The following SELENOT variants were observed in gnomAD, a reference collection of about 807,000 sequenced individuals.
The protein encoded by SELENOT is thioredoxin reductase-like selenoprotein T.
In SELENOT, 9 loss-of-function variants were observed where a neutral mutation model predicts 24.3. The observed-to-expected ratio is 0.37, with a 90% CI of 0.22 to 0.65. SELENOT has a LOEUF of 0.65. Ranked by LOEUF, SELENOT falls within the 30% of genes least tolerant of loss-of-function variation. The pLI, the probability that SELENOT is intolerant of heterozygous loss-of-function variation, is 0.60. For missense variants in SELENOT, 166 were observed against 247.6 expected (o/e 0.67, Z 2.21); for synonymous variants, 81 against 86.0 (o/e 0.94, Z 0.32).
In SELENOT at chr3:150,615,588, T is replaced by C. The variant is rs574855003; in HGVS notation, c.138-6797T>C. On this transcript the variant is annotated intron_variant, in intron 1 of 5. Coordinates refer to ENST00000471696, the MANE Select transcript of SELENOT (RefSeq NM_016275.5). ...ACAGAGAGCCAAATCATGAGTGAACTCCCATTCACAATTGCTTCAAAGAGA... is the reference window on the plus strand; with the variant it reads ...ACAGAGAGCCAAATCATGAGTGAACCCCCATTCACAATTGCTTCAAAGAGA... 3.9e-3 allele frequency among the ~76,000 whole-genome samples: 597 copies of C among 152,214 alleles called. 3 individuals are homozygous for C. Among genetic ancestry groups the C allele is most frequent in the Non-Finnish European group, 7.2e-3 (490 of 67,998 alleles).
Position 150,603,419 on chromosome 3 carries a change from C to T in SELENOT, c.57C>T (p.Ala19=). The T allele has an allele frequency of 6.2e-7, 1 of 1,613,432 alleles. No individual in the cohort carries two copies. Among genetic ancestry groups the T allele is most frequent in the Non-Finnish European group, 8.5e-7 (1 of 1,179,520 alleles). The change falls in exon 1 of 6, where the codon GCC becomes GCT. Residue 19 remains alanine, a synonymous_variant. Transcript: ENST00000471696. ...CGTCTGCGATGGTCCGGAGCGAGGC[C>T]TCGGCCAATCTGGGCGGCGTGCCCA... ...VAASAMVRSE[A]SANLGGVPSK... is the part of the protein sequence containing the mutation.
In SELENOT at chr3:150,630,249, G is replaced by A. The variant is rs560466305; in HGVS notation, c.*2620G>A. The A allele has an allele frequency of 3.4e-4, 52 of 152,132 alleles. No individual in the cohort carries two copies. The highest frequency in any genetic ancestry group is 1.2e-3 in the African/African-American group (49 of 41,488). The allele number at this position is 152,132 out of a possible 1,614,324, so 9.4% of individuals were successfully genotyped here. A position where few individuals can be genotyped will look rare whatever the true frequency, so the allele number is the denominator to read the frequency against. ...ATTAGTTTGGGACTTTGATTGGCTG[G>A]CAAACATTTTATCATTGTCAGAATT... On this transcript the variant is annotated 3_prime_UTR_variant, in exon 6 of 6. Transcript: ENST00000471696.
chr3:150,615,560 C>A (rs1257774591), intron 1 of SELENOT, among the ~76,000 whole-genome samples: 1 of 152,088 alleles, frequency 6.6e-6, no homozygotes, highest in South Asian at 2.1e-4. Context: ...CAACAACAGA[C>A]AAACAGAGAG....
intron 1 of SELENOT, among the ~76,000 whole-genome samples, chr3:150,621,887 A>G (rs1037405776): frequency 6.6e-6 from 1 of 152,010 alleles, no homozygotes; most frequent in Admixed American, 6.6e-5. Context: ...TCATTCTCTC[A>G]TGCCTTGATT....
chr3:150,627,274 C>A, intron 5 of SELENOT, 111 bp downstream of exon 5: 1 of 822,470 alleles, frequency 1.2e-6, no homozygotes, highest in South Asian at 2.3e-5. Flanking sequence ...TAAGATTAAA[C>A]AGAGGGATGT....
intron 1 of SELENOT, among the ~76,000 whole-genome samples, chr3:150,619,238 A>AAG (rs397694776): frequency 6.7e-6 from 1 of 148,642 alleles, no homozygotes; most frequent in Non-Finnish European, 1.5e-5. Context: ...AAAAAAAAAA[A>AAG]GATTTCTTTT....
rs1362743337 is a variant in SELENOT at position 150,622,513 on chromosome 3, C to G, written c.248+18C>G. On this transcript the variant is annotated intron_variant, in intron 2 of 5. Coordinates refer to ENST00000471696, the MANE Select transcript of SELENOT (RefSeq NM_016275.5). ...ATATATAGGTAAGAAATTTTAATAA[C>G]TTAAAAGGAAAACAATGTATTTGAC... 8.1e-7 allele frequency: 1 copy of G among 1,230,300 alleles called. No homozygotes were observed. Among genetic ancestry groups the G allele is most frequent in the Admixed American group, 2.7e-5 (1 of 36,784 alleles). 76.2% of individuals were successfully genotyped at this position (1,230,300 alleles called of 1,614,324 possible).
intron 1 of SELENOT, among the ~76,000 whole-genome samples, chr3:150,611,005 G>A (rs1343956555): frequency 1.6e-4 from 5 of 31,456 alleles, no homozygotes; most frequent in East Asian, 2.8e-3. Context: ...ATCATGAGTC[G>A]TGTGTGTGTG....
Position 150,607,972 on chromosome 3 carries a change from A to T in SELENOT, c.137+4473A>T, listed in dbSNP as rs148898975. 2.0e-5 allele frequency among the ~76,000 whole-genome samples: 3 copies of T among 152,296 alleles called. No homozygotes were observed. In the East Asian group the frequency reaches 5.8e-4, roughly 29 times the overall value. On this transcript the variant is annotated intron_variant, in intron 1 of 5. Transcript: ENST00000471696. ...AGGCAAGAGATAATGGAACTTGGAA[A>T]AGTAAGGAGGTGGTAGAAATAGAAA...
At position 150,609,176 on chromosome 3, in the gene SELENOT, A is replaced by T. The variant is rs533435361; in HGVS notation, c.137+5677A>T. Reference sequence around the variant, plus strand: ...ATTTTGAGGTATGTTCCTTTGTTTAAGTTGTTGAGGGTAAAACTTAAGTTT... The same window carrying T: ...ATTTTGAGGTATGTTCCTTTGTTTATGTTGTTGAGGGTAAAACTTAAGTTT... On this transcript the variant is annotated intron_variant, in intron 1 of 5. Coordinates refer to ENST00000471696, the MANE Select transcript of SELENOT (RefSeq NM_016275.5). Among the ~76,000 whole-genome samples the T allele has an allele frequency of 4.6e-5, 7 of 152,206 alleles. No homozygotes were observed. In the South Asian group the frequency reaches 1.2e-3, roughly 27 times the overall value.
chr3:150,625,461 G>A (rs575763509), intron 4 of SELENOT, among the ~76,000 whole-genome samples: 1 of 151,816 alleles, frequency 6.6e-6, no homozygotes, highest in African/African-American at 2.4e-5. Flanking sequence ...CTATTTTATG[G>A]ATTACCAAGT....
chr3:150,620,883 AT>A (rs1235918152), intron 1 of SELENOT, among the ~76,000 whole-genome samples: 5 of 152,216 alleles, frequency 3.3e-5, no homozygotes, highest in African/African-American at 1.2e-4. Flanking sequence ...CTTTTTTGGT[AT>A]AAAGAAAAGA....
At chr3:150,617,728 C>G (rs781513061) in intron 1 of SELENOT, among the ~76,000 whole-genome samples, 3 of 151,980 alleles carry the variant, frequency 2.0e-5, no homozygotes, top group Non-Finnish European at 1.5e-5. Context: ...AATATAGTTC[C>G]TTAACCTGAT....
chr3:150,616,276 G>A (rs1576532252), intron 1 of SELENOT, among the ~76,000 whole-genome samples: 1 of 139,432 alleles, frequency 7.2e-6, no homozygotes, highest in East Asian at 2.0e-4. Flanking sequence ...TTACCATTCA[G>A]GACATAGGCA....
intron 1 of SELENOT, among the ~76,000 whole-genome samples, chr3:150,621,958 T>C (rs946248486): frequency 6.6e-6 from 1 of 152,098 alleles, no homozygotes; most frequent in Non-Finnish European, 1.5e-5. Context: ...AAGTCTGTAG[T>C]TCAGATGAAT....
At chr3:150,612,370 G>A (rs956437344) in intron 1 of SELENOT, among the ~76,000 whole-genome samples, 1 of 152,140 alleles carries the variant, frequency 6.6e-6, no homozygotes, top group African/African-American at 2.4e-5. Flanking sequence ...TGGGATTACA[G>A]GTGTGAGCCA....
intron 5 of SELENOT, 45 bp downstream of exon 5, chr3:150,627,208 C>T (rs541826039): frequency 7.1e-7 from 1 of 1,410,478 alleles, no homozygotes. Context: ...TCTGTTGATT[C>T]TTATGACTCA....
chr3:150,623,801 T>C (rs1726387392), intron 3 of SELENOT, among the ~76,000 whole-genome samples: 1 of 152,090 alleles, frequency 6.6e-6, no homozygotes, highest in African/African-American at 2.4e-5. Context: ...ATATTAAAAA[T>C]GATTTTAATC....
rs771895976 is a variant in SELENOT, at chr3:150,603,410, G to T, written c.48G>T (p.Arg16=). Residue 16 remains arginine (R), a synonymous_variant, in exon 1 of 6, where the codon CGG becomes CGT. Transcript: ENST00000471696. The stretch of plus-strand genomic sequence containing the variant: ...TAGTGGCGGCGTCTGCGATGGTCCG[G>T]AGCGAGGCCTCGGCCAATCTGGGCG... ...LLLVAASAMV[R]SEASANLGGV... is the part of the protein sequence containing the mutation. 1 of 1,613,298 alleles carries T rather than the reference G, an allele frequency of 6.2e-7. No individual in the cohort carries two copies. The highest frequency in any genetic ancestry group is 1.7e-5 in the Admixed American group (1 of 60,000).
Sources: allele counts gnomAD v4.1 joint callset (sites outside exome capture counted in the v4.1 genomes callset), GRCh38; gene constraint gnomAD v4.1.1; transcripts MANE v1.5; gene names NCBI Gene and HGNC (gene_info 2026-07-23, HGNC 2026-07-21).